TMEM201: variants seen among roughly 807,000 people sequenced by gnomAD.
TMEM201 encodes the protein transmembrane protein 201.
A neutral mutation model predicts 63.4 loss-of-function variants in TMEM201; 26 were observed. That is an observed-to-expected ratio of 0.41 (90% CI 0.30 to 0.57). The LOEUF is 0.57. Ranked by LOEUF, TMEM201 falls within the 20% of genes least tolerant of loss-of-function variation. The pLI is 0.29. For synonymous variants in TMEM201, 417 were observed against 421.6 expected (o/e 0.99, Z 0.14); for missense variants, 794 against 917.7 (o/e 0.87, Z 1.74).
In TMEM201 at chr1:9,607,708, C is replaced by T. The variant is rs1018320987; in HGVS notation, c.1312C>T (p.Arg438Ter). ...CAACCAGCAGCTCTTCCGGTCTCCT[C>T]GACGGACCTCACCCTCCTCATTGCC... Reference protein sequence around the residue: ...LANQQLFRSPRRTSPSSLPGR... With the variant: ...LANQQLFRSP Residue 438 changes from arginine (R) to a stop codon, truncating the protein, a stop_gained, in exon 7 of 11, where the codon CGA becomes TGA. Transcript: ENST00000340381. LOFTEE classifies it high-confidence loss of function. The surrounding 1 kb of genome is among the most constrained non-coding windows in gnomAD (Gnocchi z 5.4). 1.9e-6 allele frequency: 3 copies of T among 1,551,896 alleles called. No individual in the cohort carries two copies. The highest frequency in any genetic ancestry group is 2.6e-6 in the Non-Finnish European group (3 of 1,147,084).
chr1:9,593,142 A>G (rs1643949444), intron 1 of TMEM201, among the ~76,000 whole-genome samples: 1 of 152,236 alleles, frequency 6.6e-6, no homozygotes, highest in African/African-American at 2.4e-5. Context: ...AGGCTGGCTC[A>G]GAAGAGATTG....
At chr1:9,598,359 A>C (rs1644065000) in intron 3 of TMEM201, 90 bp from the exon 4 acceptor site, 2 of 1,467,842 alleles carry the variant, frequency 1.4e-6, no homozygotes, top group Non-Finnish European at 1.9e-6. Context: ...AGTAAGTGGC[A>C]GGTCAGGATC....
At position 9,604,227 on chromosome 1, in the gene TMEM201, A is replaced by G. The variant is rs142502629; in HGVS notation, c.1160+1955A>G. 3.6e-4 allele frequency: 353 copies of G among 985,380 alleles called. No homozygotes were observed. The highest frequency in any genetic ancestry group is 1.2e-3 in the Admixed American group (20 of 16,276). 61.0% of individuals were successfully genotyped at this position (985,380 alleles called of 1,614,324 possible). On this transcript the variant is annotated intron_variant, in intron 6 of 10. Coordinates refer to ENST00000340381, the MANE Select transcript of TMEM201 (RefSeq NM_001130924.3). This position sits in a 1 kb window ranked among gnomAD's most constrained non-coding sequence, Gnocchi z 4.1. ...GGGTAGAAGCAGGACATCTGTGTGT[A>G]TGTGCGTATTTAAATTAGATTATTT...
intron 7 of TMEM201, 61 bp from the exon 8 acceptor site, chr1:9,609,779 G>A: frequency 6.7e-7 from 1 of 1,481,642 alleles, no homozygotes; most frequent in Non-Finnish European, 9.2e-7. Context: ...CAGAGCATTT[G>A]TGGGGGCCTC....
At chr1:9,611,661 C>A (rs1336456178) in intron 9 of TMEM201, 92 bp from the exon 10 acceptor site, 2 of 1,515,160 alleles carry the variant, frequency 1.3e-6, no homozygotes, top group African/African-American at 2.8e-5. Context: ...CCACTTCTGA[C>A]AACTGTCCTT....
intron 1 of TMEM201, among the ~76,000 whole-genome samples, chr1:9,591,829 G>A (rs749351743): frequency 2.8e-4 from 42 of 152,278 alleles, no homozygotes; most frequent in Non-Finnish European, 5.1e-4. Context: ...GCCGCACCCC[G>A]GGCATACGTT....
At chr1:9,598,386 C>G in intron 3 of TMEM201, 63 bp from the exon 4 acceptor site, 1 of 1,564,902 alleles carries the variant, frequency 6.4e-7, no homozygotes, top group Non-Finnish European at 8.7e-7. Context: ...CACGTCTGAC[C>G]TGTAAGATGG....
intron 2 of TMEM201, 56 bp from the exon 3 acceptor site, chr1:9,596,803 A>G (rs1412083509): frequency 2.0e-6 from 3 of 1,532,648 alleles, no homozygotes; most frequent in Non-Finnish European, 2.7e-6. Flanking sequence ...GGACATCACC[A>G]AGCCTGAGCC....
At chr1:9,611,983 T>G in intron 10 of TMEM201, 93 bp downstream of exon 10, 2 of 1,401,380 alleles carry the variant, frequency 1.4e-6, no homozygotes. Flanking sequence ...ACAGAAAGAA[T>G]CTTCCAGGAC....
rs1644270520 is a variant in TMEM201, at chr1:9,607,902, G to C, written c.1393+113G>C. 9.9e-7 allele frequency: 1 copy of C among 1,007,560 alleles called. No individual in the cohort carries two copies. The highest frequency in any genetic ancestry group is 1.6e-5 in the African/African-American group (1 of 62,112). The allele number at this position is 1,007,560 out of a possible 1,614,324, so 62.4% of individuals were successfully genotyped here. A position where few individuals can be genotyped will look rare whatever the true frequency, so the allele number is the denominator to read the frequency against. On this transcript the variant is annotated intron_variant, in intron 7 of 10. Transcript: ENST00000340381. The surrounding 1 kb of genome is among the most constrained non-coding windows in gnomAD (Gnocchi z 5.4). ...GGGAGTGGTTAGTGTTCCTGCTGCA[G>C]AGACAGGCAGCACAGAGCTTTGAGC...
intron 6 of TMEM201, chr1:9,606,267 T>A (rs1276214297): frequency 2.0e-5 from 3 of 152,210 alleles, no homozygotes; most frequent in Non-Finnish European, 4.4e-5. Flanking sequence ...AACAAGGATG[T>A]GTCCAGTCCG....
At chr1:9,609,355 G>A (rs116784563) in intron 7 of TMEM201, among the ~76,000 whole-genome samples, 1,758 of 152,328 alleles carry the variant, frequency 0.012, 30 homozygotes, top group African/African-American at 0.039. Context: ...GGGTGCGTGC[G>A]CCTGATTTAG....
intron 4 of TMEM201, among the ~76,000 whole-genome samples, chr1:9,599,866 G>C (rs1644103432): frequency 6.6e-6 from 1 of 152,210 alleles, no homozygotes; most frequent in Non-Finnish European, 1.5e-5. Flanking sequence ...CCAAAGTGCT[G>C]ACATTACAGG....
At chr1:9,599,309 G>A (rs907150262) in intron 4 of TMEM201, among the ~76,000 whole-genome samples, 3 of 151,062 alleles carry the variant, frequency 2.0e-5, no homozygotes, top group Non-Finnish European at 4.4e-5. Context: ...GTGAAGTGGC[G>A]CGATCTCGGC....
In TMEM201 at chr1:9,610,897, C is replaced by T. The variant is rs2100526889; in HGVS notation, c.1765+92C>T. ...GGCGGTGGGGGGGCTCATCCTTGCT[C>T]TGACTCCGGTGTGCGCCTTCCCACC... On this transcript the variant is annotated intron_variant, in intron 9 of 10. Coordinates refer to ENST00000340381, the MANE Select transcript of TMEM201 (RefSeq NM_001130924.3). This position sits in a 1 kb window ranked among gnomAD's most constrained non-coding sequence, Gnocchi z 4.9. The T allele has an allele frequency of 6.7e-7, 1 of 1,492,070 alleles. No homozygotes were observed. Among genetic ancestry groups the T allele is most frequent in the East Asian group, 2.5e-5 (1 of 40,392 alleles). 92.4% of individuals were successfully genotyped at this position (1,492,070 alleles called of 1,614,324 possible). A position where few individuals can be genotyped will look rare whatever the true frequency, so the allele number is the denominator to read the frequency against.
chr1:9,611,050 C>G (rs977054819), intron 9 of TMEM201: 3 of 1,522,660 alleles, frequency 2.0e-6, no homozygotes, highest in Admixed American at 2.0e-5. Context: ...TGGAACTGAT[C>G]GAAAACACAT....
chr1:9,600,061 T>C (rs1644107102), intron 4 of TMEM201, among the ~76,000 whole-genome samples: 1 of 152,094 alleles, frequency 6.6e-6, no homozygotes, highest in Non-Finnish European at 1.5e-5. Context: ...TGTGCAGACG[T>C]GTGGCAGGGC....
chr1:9,608,545 C>G lies in TMEM201; in HGVS notation c.1393+756C>G, dbSNP rs1644278759. Among the ~76,000 whole-genome samples, 1 of 152,200 alleles carries G rather than the reference C, an allele frequency of 6.6e-6. No individual in the cohort carries two copies. Among genetic ancestry groups the G allele is most frequent in the African/African-American group, 2.4e-5 (1 of 41,450 alleles). ...TTTTCCCCTAAGCAGAGATACCCCCCTATTTTCAGGGCACCCCAGCCTGGT... is the reference window on the plus strand; with the variant it reads ...TTTTCCCCTAAGCAGAGATACCCCCGTATTTTCAGGGCACCCCAGCCTGGT... On this transcript the variant is annotated intron_variant, in intron 7 of 10. Transcript: ENST00000340381. This position sits in a 1 kb window ranked among gnomAD's most constrained non-coding sequence, Gnocchi z 4.3.
chr1:9,598,203 G>A (rs1301048947), intron 3 of TMEM201, among the ~76,000 whole-genome samples: 1 of 152,210 alleles, frequency 6.6e-6, no homozygotes, highest in African/African-American at 2.4e-5. Context: ...ACAGAACCTT[G>A]TTAGTGTCCC....
Sources: gnomAD v4.1 joint callset for allele counts (sites outside exome capture counted in the v4.1 genomes callset) on GRCh38, gnomAD v4.1.1 for gene constraint, Gnocchi (gnomAD v3.1) non-coding constraint, MANE v1.5 for transcripts, NCBI Gene and HGNC (gene_info 2026-07-23, HGNC 2026-07-21) for gene names.